The following CADM4 variants were observed in gnomAD, a reference collection of about 807,000 sequenced individuals.
CADM4 encodes the protein TSLC1-like 2.
Under a neutral mutation model 43.9 loss-of-function variants are expected in CADM4, and 13 were observed. The observed-to-expected ratio is 0.30, with a 90% CI of 0.19 to 0.47. CADM4 has a LOEUF of 0.47. CADM4 is among the 20% of genes least tolerant of loss of function. The pLI is 1.00. For synonymous variants in CADM4, 209 were observed against 220.9 expected (o/e 0.95, Z 0.48); for missense variants, 420 against 527.0 (o/e 0.80, Z 1.99).
rs775142091 is a variant in CADM4 at position 43,623,133 on chromosome 19, C to G, written c.*197G>C. 55 of 586,556 alleles carry G rather than the reference C, an allele frequency of 9.4e-5. No homozygotes were observed. The highest frequency in any genetic ancestry group is 1.6e-4 in the Non-Finnish European group (53 of 327,492). 36.3% of individuals were successfully genotyped at this position (586,556 alleles called of 1,614,324 possible). On this transcript the variant is annotated 3_prime_UTR_variant, in exon 9 of 9. Coordinates refer to ENST00000222374, the MANE Select transcript of CADM4 (RefSeq NM_145296.2). The surrounding 1 kb of genome is among the most constrained non-coding windows in gnomAD (Gnocchi z 4.4). ...CCTGCCCCCTGGGGGACCCAGACCT[C>G]TGGGCCCTCACTTCTGGCCCTTACA...
At chr19:43,632,483 T>G (rs1973640006) in intron 1 of CADM4, among the ~76,000 whole-genome samples, 1 of 152,182 alleles carries the variant, frequency 6.6e-6, no homozygotes, top group Non-Finnish European at 1.5e-5. Flanking sequence ...CCGTAACATG[T>G]AGAATAAAAT....
Position 43,626,927 on chromosome 19 carries a change from G to A in CADM4, c.365-9C>T, listed in dbSNP as rs370341487. ...AGGATTCTCTGGGGCCACTGCCGCA[G>A]GGAGAAGGGAAGTAAGGGGTTAAAG... On this transcript the variant is annotated splice_polypyrimidine_tract_variant and intron_variant, in intron 3 of 8. Transcript: ENST00000222374. This position sits in a 1 kb window ranked among gnomAD's most constrained non-coding sequence, Gnocchi z 5.9. The A allele has an allele frequency of 1.2e-5, 19 of 1,587,580 alleles. No homozygotes were observed. Among genetic ancestry groups the A allele is most frequent in the Non-Finnish European group, 1.5e-5 (18 of 1,168,122 alleles).
rs767337204 is a variant in CADM4 at position 43,627,663 on chromosome 19, G to A, written c.192C>T (p.Leu64=). 1.2e-6 allele frequency: 2 copies of A among 1,613,878 alleles called. No individual in the cohort carries two copies. Among genetic ancestry groups the A allele is most frequent in the Non-Finnish European group, 1.7e-6 (2 of 1,179,790 alleles). The part of the protein sequence containing the change: ...VVIQNPARQT[L]FFNGTRALKD... ...ACTCACCACGGGTGCCATTGAAGAA[G>A]AGGGTCTGCCGGGCTGGGTTCTGGA... The change falls in exon 2 of 9, where the codon CTC becomes CTT. Residue 64 remains leucine, a synonymous_variant. Transcript: ENST00000222374. This position sits in a 1 kb window ranked among gnomAD's most constrained non-coding sequence, Gnocchi z 4.0.
In CADM4 at chr19:43,627,179, C is replaced by A. The variant is rs1051641182; in HGVS notation, c.351G>T (p.Thr117=). The A allele has an allele frequency of 2.5e-6, 4 of 1,598,702 alleles. No homozygotes were observed. Among genetic ancestry groups the A allele is most frequent in the Non-Finnish European group, 2.6e-6 (3 of 1,171,082 alleles). The stretch of plus-strand genomic sequence containing the variant: ...GGAGGGCGTTACCTAGTACCGTGAG[C>A]GTGGCAATCTGGTGGTGGGTGTCTT... ...YTEDTHHQIA[T]LTVLVAPENP... The change falls in exon 3 of 9, where the codon ACG becomes ACT. Residue 117 remains threonine, a synonymous_variant. Coordinates refer to ENST00000222374, the MANE Select transcript of CADM4 (RefSeq NM_145296.2). This position sits in a 1 kb window ranked among gnomAD's most constrained non-coding sequence, Gnocchi z 4.0.
At position 43,627,696 on chromosome 19, in the gene CADM4, T is replaced by C; in HGVS notation, c.159A>G (p.Ile53Met). The stretch of plus-strand genomic sequence containing the variant: ...GCCGGGCTGGGTTCTGGATGACAAC[T>C]ATGGACCCATCATACTGGTGCAGAC... ...TCRLHQYDGS[I>M]VVIQNPARQT... Residue 53 changes from isoleucine (I) to methionine (M), a missense_variant, in exon 2 of 9, where the codon ATA becomes ATG. Physicochemically the swap from Ile to Met is conservative, Grantham distance 10. Coordinates refer to ENST00000222374, the MANE Select transcript of CADM4 (RefSeq NM_145296.2). This position sits in a 1 kb window ranked among gnomAD's most constrained non-coding sequence, Gnocchi z 4.0. 6.2e-7 allele frequency: 1 copy of C among 1,614,062 alleles called. No individual in the cohort carries two copies. The highest frequency in any genetic ancestry group is 8.5e-7 in the Non-Finnish European group (1 of 1,179,980).
In CADM4 at chr19:43,622,516, G is replaced by A. The variant is rs1409889345; in HGVS notation, c.*814C>T. 2.6e-5 allele frequency: 4 copies of A among 152,266 alleles called. No individual in the cohort carries two copies. Among genetic ancestry groups the A allele is most frequent in the Admixed American group, 2.0e-4 (3 of 15,278 alleles). 9.4% of individuals were successfully genotyped at this position (152,266 alleles called of 1,614,324 possible). On this transcript the variant is annotated 3_prime_UTR_variant, in exon 9 of 9. Transcript: ENST00000222374. ...AAAAGGGGGCAAAAGCCAGGAATGG[G>A]GAGAGGGGGGTGCAATCTGATATTT...
At chr19:43,629,721 C>T (rs887802356) in intron 1 of CADM4, among the ~76,000 whole-genome samples, 4 of 151,552 alleles carry the variant, frequency 2.6e-5, no homozygotes, top group South Asian at 4.2e-4. Flanking sequence ...CAAGTTCAAG[C>T]GATTCTTCAG....
At chr19:43,641,735 G>A (rs1161305020), upstream of CADM4, among the ~76,000 whole-genome samples, 1 of 152,202 alleles carries the variant, frequency 6.6e-6, no homozygotes, top group African/African-American at 2.4e-5. Context: ...CCCAGCTTCT[G>A]TAGACTTGGG....
chr19:43,626,397 C>T lies in CADM4; in HGVS notation c.500-109G>A, dbSNP rs1017928332. 1.3e-5 allele frequency: 18 copies of T among 1,338,728 alleles called. No homozygotes were observed. The highest frequency in any genetic ancestry group is 9.9e-5 in the East Asian group (4 of 40,444). 82.9% of individuals were successfully genotyped at this position (1,338,728 alleles called of 1,614,324 possible). On this transcript the variant is annotated intron_variant, in intron 4 of 8. Transcript: ENST00000222374. The surrounding 1 kb of genome is among the most constrained non-coding windows in gnomAD (Gnocchi z 5.9). ...TTTGCCAAGCTCCACCCCTTACCCA[C>T]AGGCCCCGCCTCTTGTCCTCCAAGC...
Position 43,623,512 on chromosome 19 carries a change from G to C in CADM4, c.1058-73C>G. The C allele has an allele frequency of 1.1e-6, 1 of 920,714 alleles. No individual in the cohort carries two copies. The highest frequency in any genetic ancestry group is 1.8e-6 in the Non-Finnish European group (1 of 551,758). The allele number at this position is 920,714 out of a possible 1,614,324, so 57.0% of individuals were successfully genotyped here. ...CCAGGAGTTGGACAGAAGTATAAGG[G>C]AAGAGGGAGACAGACAAGACACATG... On this transcript the variant is annotated intron_variant, in intron 8 of 8. Coordinates refer to ENST00000222374, the MANE Select transcript of CADM4 (RefSeq NM_145296.2). This position sits in a 1 kb window ranked among gnomAD's most constrained non-coding sequence, Gnocchi z 4.4.
At position 43,623,286 on chromosome 19, in the gene CADM4, G is replaced by T; in HGVS notation, c.*44C>A. 6.9e-7 allele frequency: 1 copy of T among 1,457,290 alleles called. No homozygotes were observed. The allele number at this position is 1,457,290 out of a possible 1,614,324, so 90.3% of individuals were successfully genotyped here. A position where few individuals can be genotyped will look rare whatever the true frequency, so the allele number is the denominator to read the frequency against. On this transcript the variant is annotated 3_prime_UTR_variant, in exon 9 of 9. Coordinates refer to ENST00000222374, the MANE Select transcript of CADM4 (RefSeq NM_145296.2). This position sits in a 1 kb window ranked among gnomAD's most constrained non-coding sequence, Gnocchi z 4.4. The stretch of plus-strand genomic sequence containing the variant: ...GTTCCTTGCAGCTGGCAGTGGGGGG[G>T]ACCCCAGCCCAGGCCCAGGCCTAGG...
At position 43,625,049 on chromosome 19, in the gene CADM4, G is replaced by T; in HGVS notation, c.928+29C>A. The T allele has an allele frequency of 1.1e-5, 2 of 182,414 alleles. No individual in the cohort carries two copies. The highest frequency in any genetic ancestry group is 1.6e-5 in the Non-Finnish European group (2 of 122,310). The allele number at this position is 182,414 out of a possible 1,614,324, so 11.3% of individuals were successfully genotyped here. Reference sequence around the variant, plus strand: ...CCCCGCCACCTGGCGCCCCGCCCCCGCCCTCAGTCGGCCGCAGCCTGCTCT... The same window carrying T: ...CCCCGCCACCTGGCGCCCCGCCCCCTCCCTCAGTCGGCCGCAGCCTGCTCT... On this transcript the variant is annotated intron_variant, in intron 7 of 8. Transcript: ENST00000222374. The surrounding 1 kb of genome is among the most constrained non-coding windows in gnomAD (Gnocchi z 4.5).
Position 43,627,453 on chromosome 19 carries a change from A to G in CADM4, c.212-135T>C, listed in dbSNP as rs1973548571. 1.6e-6 allele frequency: 2 copies of G among 1,238,938 alleles called. No individual in the cohort carries two copies. Among genetic ancestry groups the G allele is most frequent in the Admixed American group, 5.8e-5 (2 of 34,524 alleles). 76.7% of individuals were successfully genotyped at this position (1,238,938 alleles called of 1,614,324 possible). A position where few individuals can be genotyped will look rare whatever the true frequency, so the allele number is the denominator to read the frequency against. ...ATCTATGAGTCTGAGGTGTCCAACT[A>G]TTTACTCCCTTGAGGACCCAGCATT... is the stretch of plus-strand genomic sequence containing the variant. On this transcript the variant is annotated intron_variant, in intron 2 of 8. Coordinates refer to ENST00000222374, the MANE Select transcript of CADM4 (RefSeq NM_145296.2). The surrounding 1 kb of genome is among the most constrained non-coding windows in gnomAD (Gnocchi z 4.0).
rs528167897 is a variant in CADM4, at chr19:43,623,287, A to G, written c.*43T>C. 266 of 1,460,702 alleles carry G rather than the reference A, an allele frequency of 1.8e-4. 4 individuals carry two copies. In the South Asian group the frequency reaches 2.9e-3, roughly 16 times the overall value. The allele number at this position is 1,460,702 out of a possible 1,614,324, so 90.5% of individuals were successfully genotyped here. A position where few individuals can be genotyped will look rare whatever the true frequency, so the allele number is the denominator to read the frequency against. On this transcript the variant is annotated 3_prime_UTR_variant, in exon 9 of 9. Coordinates refer to ENST00000222374, the MANE Select transcript of CADM4 (RefSeq NM_145296.2). This position sits in a 1 kb window ranked among gnomAD's most constrained non-coding sequence, Gnocchi z 4.4. Reference sequence around the variant, plus strand: ...TTCCTTGCAGCTGGCAGTGGGGGGGACCCCAGCCCAGGCCCAGGCCTAGGC... The same window carrying G: ...TTCCTTGCAGCTGGCAGTGGGGGGGGCCCCAGCCCAGGCCCAGGCCTAGGC...
upstream of CADM4, among the ~76,000 whole-genome samples, chr19:43,640,034 G>A (rs1328259086): frequency 6.6e-6 from 1 of 151,150 alleles, no homozygotes; most frequent in East Asian, 2.0e-4. Flanking sequence ...AGGGCGGGAA[G>A]GGGTGCGCGG....
chr19:43,631,693 C>CT (rs1160216328), intron 1 of CADM4, among the ~76,000 whole-genome samples: 1 of 152,142 alleles, frequency 6.6e-6, no homozygotes, highest in Non-Finnish European at 1.5e-5. Flanking sequence ...CCTTTTTCTA[C>CT]TGAGTCACCT....
rs1463631485 is a variant in CADM4, at chr19:43,627,161, G to T, written c.364+5C>A. On this transcript the variant is annotated splice_donor_5th_base_variant and intron_variant, in intron 3 of 8. Transcript: ENST00000222374. The surrounding 1 kb of genome is among the most constrained non-coding windows in gnomAD (Gnocchi z 4.0). Reference sequence around the variant, plus strand: ...GGATGCGTCTGACAAGGGGGAGGGCGTTACCTAGTACCGTGAGCGTGGCAA... The same window carrying T: ...GGATGCGTCTGACAAGGGGGAGGGCTTTACCTAGTACCGTGAGCGTGGCAA... The T allele has an allele frequency of 6.4e-7, 1 of 1,567,976 alleles. No homozygotes were observed. Among genetic ancestry groups the T allele is most frequent in the African/African-American group, 1.4e-5 (1 of 73,582 alleles).
At position 43,625,592 on chromosome 19, in the gene CADM4, A is replaced by ATAT. The variant is rs1306011683; in HGVS notation, c.755+318_755+319insATA. Among the ~76,000 whole-genome samples, 3 of 151,568 alleles carry ATAT rather than the reference A, an allele frequency of 2.0e-5. No individual in the cohort carries two copies. Among genetic ancestry groups the ATAT allele is most frequent in the Admixed American group, 2.0e-4 (3 of 15,214 alleles). On this transcript the variant is annotated intron_variant, in intron 6 of 8. Coordinates refer to ENST00000222374, the MANE Select transcript of CADM4 (RefSeq NM_145296.2). This position sits in a 1 kb window ranked among gnomAD's most constrained non-coding sequence, Gnocchi z 4.5. ...CTACAATTAAAAAATAATAATAATA[A>ATAT]TAATAATAATTCTAGCCCTCCCACG...
Position 43,626,699 on chromosome 19 carries a change from A to AACC in CADM4, c.499+82_499+84dup, listed in dbSNP as rs1427591071. On this transcript the variant is annotated intron_variant, in intron 4 of 8. Coordinates refer to ENST00000222374, the MANE Select transcript of CADM4 (RefSeq NM_145296.2). This position sits in a 1 kb window ranked among gnomAD's most constrained non-coding sequence, Gnocchi z 5.9. ...ATATTGAATGTCCAGTGTCTGTGAAAACCTGTGGCTCCTCTCCACATATAA... is the reference window on the plus strand; with the variant it reads ...ATATTGAATGTCCAGTGTCTGTGAAAACCACCTGTGGCTCCTCTCCACATATAA... 4.1e-6 allele frequency: 6 copies of AACC among 1,455,402 alleles called. No homozygotes were observed. Among genetic ancestry groups the AACC allele is most frequent in the Non-Finnish European group, 4.6e-6 (5 of 1,092,220 alleles). 90.2% of individuals were successfully genotyped at this position (1,455,402 alleles called of 1,614,324 possible).
Sources: allele counts gnomAD v4.1 joint callset (sites outside exome capture counted in the v4.1 genomes callset), GRCh38; gene constraint gnomAD v4.1.1; non-coding constraint Gnocchi (gnomAD v3.1); transcripts MANE v1.5; gene names NCBI Gene and HGNC (gene_info 2026-07-23, HGNC 2026-07-21).